Variants in MEIOSIN observed in about 807,000 individuals in gnomAD.
MEIOSIN encodes meiosis initiator, also known as meiosis initiator protein.
A neutral mutation model predicts 23.4 loss-of-function variants in MEIOSIN; 18 were observed. The ratio of observed to expected loss-of-function variants is 0.77; its 90% CI spans 0.53 to 1.14. The LOEUF (loss-of-function observed/expected upper bound fraction) is 1.14. Ranked by LOEUF, MEIOSIN falls within the 50% of genes most tolerant of loss-of-function variation. The pLI, the probability that MEIOSIN is intolerant of heterozygous loss-of-function variation, is 0.00. For synonymous variants in MEIOSIN, 187 were observed against 100.6 expected (o/e 1.86, Z -5.14); for missense variants, 428 against 242.9 (o/e 1.76, Z -5.07).
rs144704392 is a variant in MEIOSIN, at chr19:45,760,243, G to A, written c.1245+753G>A. Among the ~76,000 whole-genome samples the A allele has an allele frequency of 3.3e-3, 506 of 152,074 alleles. 3 individuals are homozygous for A. Among genetic ancestry groups the A allele is most frequent in the African/African-American group, 0.012 (486 of 41,522 alleles). The stretch of plus-strand genomic sequence containing the variant: ...AGCAGTTTGAGAGGCTGACGTAGGC[G>A]GATCACCTGAGATCAGGAGTTCAAG... On this transcript the variant is annotated intron_variant, in intron 11 of 14. Transcript: ENST00000457052.
At chr19:45,760,643 G>A (rs1968919313) in intron 11 of MEIOSIN, among the ~76,000 whole-genome samples, 1 of 143,484 alleles carries the variant, frequency 7.0e-6, no homozygotes, top group Non-Finnish European at 1.5e-5. Context: ...AATTATCAGG[G>A]TGTGGCCGGG....
rs1464025265 is a variant in MEIOSIN at position 45,754,511 on chromosome 19, T to G, written c.589T>G (p.Ser197Ala). ...SQTRTPKPRR[S>A]LALNKPEKLV... Reference sequence around the variant, plus strand: ...GACTCGGACCCCGAAGCCTCGCCGCTCTCTGGCCCTGAACAAGCCTGAGAA... The same window carrying G: ...GACTCGGACCCCGAAGCCTCGCCGCGCTCTGGCCCTGAACAAGCCTGAGAA... The change falls in exon 7 of 15, where the codon TCT (serine) becomes GCT (alanine). Residue 197 changes from serine (S) to alanine (A), a missense_variant. Coordinates refer to ENST00000457052, the MANE Select transcript of MEIOSIN (RefSeq NM_001310124.2). 1 of 702,846 alleles carries G rather than the reference T, an allele frequency of 1.4e-6. No homozygotes were observed. The highest frequency in any genetic ancestry group is 2.3e-4 in the Middle Eastern group (1 of 4,368). 43.5% of individuals were successfully genotyped at this position (702,846 alleles called of 1,614,324 possible). A position where few individuals can be genotyped will look rare whatever the true frequency, so the allele number is the denominator to read the frequency against.
intron 5 of MEIOSIN, among the ~76,000 whole-genome samples, chr19:45,751,874 G>A (rs1968718033): frequency 6.6e-6 from 1 of 151,614 alleles, no homozygotes; most frequent in Non-Finnish European, 1.5e-5. Context: ...AGGATTACAG[G>A]CACTCACCAC....
intron 5 of MEIOSIN, among the ~76,000 whole-genome samples, chr19:45,751,790 G>A (rs1411397882): frequency 6.6e-6 from 1 of 151,742 alleles, no homozygotes; most frequent in Admixed American, 6.6e-5. Context: ...GAGTGCAGTG[G>A]CGTGATCTTG....
At chr19:45,745,369 A>T (rs1968575387) in intron 4 of MEIOSIN, 48 bp downstream of exon 4, 2 of 683,924 alleles carry the variant, frequency 2.9e-6, no homozygotes, top group South Asian at 3.1e-5. Flanking sequence ...CAGGTCTTTA[A>T]ATAGCAGCAA....
chr19:45,748,929 C>T (rs1233408955), intron 4 of MEIOSIN, among the ~76,000 whole-genome samples: 1 of 151,696 alleles, frequency 6.6e-6, no homozygotes, highest in Admixed American at 6.6e-5. Context: ...ATTAGCCAAG[C>T]GTGGTGGCAC....
At chr19:45,762,340 C>T (rs1386910910) in intron 13 of MEIOSIN, among the ~76,000 whole-genome samples, 157 bp downstream of exon 13, 4 of 152,106 alleles carry the variant, frequency 2.6e-5, no homozygotes, top group Non-Finnish European at 5.9e-5. Flanking sequence ...GAACTGAACC[C>T]GGCCCCATTG....
intron 2 of MEIOSIN, among the ~76,000 whole-genome samples, chr19:45,737,684 G>A (rs1968430896): frequency 6.6e-6 from 1 of 151,604 alleles, no homozygotes; most frequent in Non-Finnish European, 1.5e-5. Context: ...TATAATCTCA[G>A]CACTTTGGGA....
intron 3 of MEIOSIN, among the ~76,000 whole-genome samples, chr19:45,744,502 T>G (rs900024945): frequency 2.6e-5 from 4 of 151,940 alleles, no homozygotes; most frequent in Admixed American, 1.3e-4. Flanking sequence ...AGACGGAGTT[T>G]GTTTTGTTTT....
At chr19:45,758,799 A>C (rs1028349538) in intron 9 of MEIOSIN, 79 bp from the exon 10 acceptor site, 2 of 654,924 alleles carry the variant, frequency 3.1e-6, no homozygotes, top group Non-Finnish European at 5.6e-6. Flanking sequence ...ATCAGGCACT[A>C]TCTCCTCAAT....
chr19:45,758,504 A>G (rs2341096), intron 9 of MEIOSIN, among the ~76,000 whole-genome samples: 71,738 of 151,686 alleles, frequency 0.47, 17,337 homozygotes, highest in East Asian at 0.65. Flanking sequence ...ATCTCGGCTC[A>G]CTGCAACCTC....
chr19:45,761,407 C>T (rs918040082), intron 11 of MEIOSIN, among the ~76,000 whole-genome samples: 1 of 148,818 alleles, frequency 6.7e-6, no homozygotes, highest in African/African-American at 2.5e-5. Flanking sequence ...CAGGCATGAG[C>T]CACTGCGCCT....
In MEIOSIN at chr19:45,761,846, G is replaced by T. The variant is rs771350248; in HGVS notation, c.1413G>T (p.Glu471Asp). 2 of 682,436 alleles carry T rather than the reference G, an allele frequency of 2.9e-6. No homozygotes were observed. Among genetic ancestry groups the T allele is most frequent in the East Asian group, 2.7e-5 (1 of 36,782 alleles). 42.3% of individuals were successfully genotyped at this position (682,436 alleles called of 1,614,324 possible). The change falls in exon 12 of 15, where the codon GAG (glutamate) becomes GAT (aspartate). Residue 471 changes from glutamate (E) to aspartate (D), a missense_variant. By Grantham distance (45) the Glu-to-Asp change is conservative. Coordinates refer to ENST00000457052, the MANE Select transcript of MEIOSIN (RefSeq NM_001310124.2). ...SSSSSEDSDS[E>D]PLWKQREDMQ... ...CCAGCTCGGAGGACAGCGACTCGGA[G>T]CCCCTGTGGAAGCAGCGAGAGGTGA... is the stretch of plus-strand genomic sequence containing the variant.
At chr19:45,752,825 A>T (rs538379567) in intron 5 of MEIOSIN, among the ~76,000 whole-genome samples, 1 of 152,120 alleles carries the variant, frequency 6.6e-6, no homozygotes, top group East Asian at 1.9e-4. Flanking sequence ...CATGCCACGC[A>T]GACCTCCAAT....
At chr19:45,743,585 G>A (rs1241838327) in intron 3 of MEIOSIN, among the ~76,000 whole-genome samples, 4 of 151,996 alleles carry the variant, frequency 2.6e-5, no homozygotes, top group Non-Finnish European at 4.4e-5. Context: ...GCAGTGGTGC[G>A]ATCTTGGCTC....
chr19:45,759,621 T>C (rs150269921), intron 11 of MEIOSIN, 131 bp downstream of exon 11: 7,073 of 628,720 alleles, frequency 0.011, 59 homozygotes, highest in Non-Finnish European at 0.014. Context: ...CTTCCACTCA[T>C]GCGTCTCCTC....
At chr19:45,750,851 G>A in intron 5 of MEIOSIN, 65 bp downstream of exon 5, 3 of 509,880 alleles carry the variant, frequency 5.9e-6, no homozygotes, top group Non-Finnish European at 1.0e-5. Flanking sequence ...AGCCATCAGG[G>A]ATACTGAGTG....
At chr19:45,761,194 G>A (rs915203722) in intron 11 of MEIOSIN, among the ~76,000 whole-genome samples, 21 of 150,272 alleles carry the variant, frequency 1.4e-4, no homozygotes, top group Non-Finnish European at 2.5e-4. Flanking sequence ...GTACGATCTC[G>A]GCTCACTGCA....
chr19:45,736,225 G>C (rs1282584982), intron 2 of MEIOSIN, among the ~76,000 whole-genome samples: 1 of 151,962 alleles, frequency 6.6e-6, no homozygotes, highest in Non-Finnish European at 1.5e-5. Flanking sequence ...TTTTCTATTT[G>C]TTGTAGTGAC....
Sources: allele counts gnomAD v4.1 joint callset (sites outside exome capture counted in the v4.1 genomes callset), GRCh38; gene constraint gnomAD v4.1.1; transcripts MANE v1.5; gene names NCBI Gene and HGNC (gene_info 2026-07-23, HGNC 2026-07-21).